The following CFAP299 variants were observed in gnomAD, a reference collection of about 807,000 sequenced individuals.
CFAP299 encodes cilia- and flagella-associated protein 299.
A neutral mutation model predicts 27.0 loss-of-function variants in CFAP299; 21 were observed. That is an observed-to-expected ratio of 0.78 (90% CI 0.55 to 1.12). CFAP299 has a LOEUF of 1.12. Among genes scored for constraint, CFAP299 ranks in the 50% most tolerant of loss-of-function variants. The pLI is 0.00. For synonymous variants in CFAP299, 104 were observed against 98.1 expected (o/e 1.06, Z -0.36); for missense variants, 310 against 276.6 (o/e 1.12, Z -0.86).
chr4:80,508,651 C>T (rs1283089978), intron 2 of CFAP299, among the ~76,000 whole-genome samples: 1 of 152,076 alleles, frequency 6.6e-6, no homozygotes, highest in Non-Finnish European at 1.5e-5. Context: ...CTTGACCTTC[C>T]AGGCTTAAGT....
chr4:80,507,479 C>T (rs1732092225), intron 2 of CFAP299, among the ~76,000 whole-genome samples: 1 of 152,064 alleles, frequency 6.6e-6, no homozygotes, highest in Non-Finnish European at 1.5e-5. Context: ...TTTGGAGTGT[C>T]ACATTAATTT....
intron 2 of CFAP299, among the ~76,000 whole-genome samples, chr4:80,519,141 C>T (rs964290168): frequency 2.6e-5 from 4 of 151,874 alleles, no homozygotes; most frequent in African/African-American, 9.7e-5. Context: ...ATAGAAAGCA[C>T]TCTGTTAATA....
intron 4 of CFAP299, among the ~76,000 whole-genome samples, chr4:80,918,748 A>T (rs1352470225): frequency 6.6e-6 from 1 of 152,118 alleles, no homozygotes; most frequent in Admixed American, 6.6e-5. Flanking sequence ...CAGGTTGCAC[A>T]GTAGTGGCTC....
chr4:80,698,621 G>T (rs982987441), intron 3 of CFAP299, among the ~76,000 whole-genome samples: 1 of 152,082 alleles, frequency 6.6e-6, no homozygotes, highest in Non-Finnish European at 1.5e-5. Flanking sequence ...ATCTATTCTT[G>T]TACCACAATA....
chr4:80,430,890 G>A (rs1258209265), intron 2 of CFAP299, among the ~76,000 whole-genome samples: 4 of 151,960 alleles, frequency 2.6e-5, no homozygotes, highest in Admixed American at 2.6e-4. Context: ...CTGTTCCTTT[G>A]GTCCTCCAGA....
intron 3 of CFAP299, among the ~76,000 whole-genome samples, chr4:80,733,052 A>G (rs1723631741): frequency 6.6e-6 from 1 of 152,074 alleles, no homozygotes; most frequent in Non-Finnish European, 1.5e-5. Flanking sequence ...ATGTGGCTAT[A>G]ATTTTGAGAT....
intron 2 of CFAP299, among the ~76,000 whole-genome samples, chr4:80,388,923 C>T (rs1191393931): frequency 6.6e-6 from 1 of 151,806 alleles, no homozygotes; most frequent in Non-Finnish European, 1.5e-5. Flanking sequence ...GTGTACCTTC[C>T]TTGTGTCGTT....
intron 3 of CFAP299, among the ~76,000 whole-genome samples, chr4:80,865,467 T>C (rs908540669): frequency 2.6e-5 from 4 of 152,178 alleles, no homozygotes; most frequent in Non-Finnish European, 5.9e-5. Flanking sequence ...TTATCATTTC[T>C]TCTGCCTCTA....
chr4:80,525,670 C>A (rs1018711834), intron 2 of CFAP299, among the ~76,000 whole-genome samples: 3 of 152,168 alleles, frequency 2.0e-5, no homozygotes, highest in African/African-American at 7.2e-5. Flanking sequence ...CCTTGACTAT[C>A]TCAGCGCCAG....
chr4:80,485,613 AT>A (rs1176050328), intron 2 of CFAP299, among the ~76,000 whole-genome samples: 2 of 152,126 alleles, frequency 1.3e-5, no homozygotes, highest in Non-Finnish European at 2.9e-5. Flanking sequence ...AACAAAATGT[AT>A]TTTTGTCATA....
At chr4:80,763,768 A>G (rs188664342) in intron 3 of CFAP299, among the ~76,000 whole-genome samples, 6 of 152,196 alleles carry the variant, frequency 3.9e-5, no homozygotes, top group Admixed American at 6.5e-5. Context: ...ACATAGACCA[A>G]TGAAACAGAA....
intron 5 of CFAP299, among the ~76,000 whole-genome samples, chr4:80,950,019 G>C (rs1737688799): frequency 6.6e-6 from 1 of 152,098 alleles, no homozygotes; most frequent in Admixed American, 6.6e-5. Flanking sequence ...CAAATTTTGA[G>C]TTGATGCTTT....
chr4:80,624,052 C>G (rs1233297396), intron 3 of CFAP299, among the ~76,000 whole-genome samples: 2 of 152,114 alleles, frequency 1.3e-5, no homozygotes, highest in African/African-American at 4.8e-5. Context: ...GAATAAGTAC[C>G]TAGTTCTTCA....
intron 2 of CFAP299, among the ~76,000 whole-genome samples, chr4:80,385,352 T>G (rs1438783445): frequency 6.6e-6 from 1 of 152,216 alleles, no homozygotes; most frequent in Non-Finnish European, 1.5e-5. Flanking sequence ...TTTATTGTTT[T>G]CATACATTTA....
chr4:80,894,516 A>T (rs1340790108), intron 4 of CFAP299, among the ~76,000 whole-genome samples: 1 of 152,076 alleles, frequency 6.6e-6, no homozygotes, highest in Non-Finnish European at 1.5e-5. Context: ...GAGTAGGTAG[A>T]TGCTAATATA....
At chr4:80,465,501 T>A (rs898207955) in intron 2 of CFAP299, among the ~76,000 whole-genome samples, 1 of 152,150 alleles carries the variant, frequency 6.6e-6, no homozygotes, top group African/African-American at 2.4e-5. Context: ...CAACCTGCAG[T>A]TATGTACTGT....
rs189091272 is a variant in CFAP299, at chr4:80,687,326, A to G, written c.333+104143A>G. On this transcript the variant is annotated intron_variant, in intron 3 of 5. Transcript: ENST00000358105. ...CTTAGAACTCTTGAAGTTTTTTTTT[A>G]TAGTATCTCAGAATTTCATACCTAA... Among the ~76,000 whole-genome samples the G allele has an allele frequency of 2.4e-3, 365 of 152,176 alleles. 1 individual carries two copies. The highest frequency in any genetic ancestry group is 8.4e-3 in the African/African-American group (347 of 41,504).
chr4:80,808,940 G>C (rs991261959), intron 3 of CFAP299, among the ~76,000 whole-genome samples: 6 of 152,090 alleles, frequency 3.9e-5, no homozygotes, highest in Non-Finnish European at 5.9e-5. Context: ...CAGATGCAGA[G>C]AAAATGCAGA....
At chr4:80,611,536 A>T (rs1273680459) in intron 3 of CFAP299, among the ~76,000 whole-genome samples, 1 of 152,072 alleles carries the variant, frequency 6.6e-6, no homozygotes, top group Non-Finnish European at 1.5e-5. Flanking sequence ...CCATAATACC[A>T]TACAGCAGGT....
Sources: allele counts gnomAD v4.1 joint callset (sites outside exome capture counted in the v4.1 genomes callset), GRCh38; gene constraint gnomAD v4.1.1; transcripts MANE v1.5; gene names NCBI Gene and HGNC (gene_info 2026-07-23, HGNC 2026-07-21).